Variants in VPS35L observed in about 807,000 individuals in gnomAD.
VPS35L encodes VPS35 endosomal protein sorting factor like, also known as VPS35 endosomal protein-sorting factor-like.
A neutral mutation model predicts 133.0 loss-of-function variants in VPS35L; 83 were observed. The ratio of observed to expected loss-of-function variants is 0.62; its 90% CI spans 0.52 to 0.75. The LOEUF (loss-of-function observed/expected upper bound fraction) is 0.75. Ranked by LOEUF, VPS35L falls within the 30% of genes least tolerant of loss-of-function variation. The probability of loss-of-function intolerance (pLI) is 0.00; values close to 1 mark genes in which losing one functional copy is unlikely to be tolerated. For synonymous variants in VPS35L, 423 were observed against 449.9 expected (o/e 0.94, Z 0.76); for missense variants, 1,083 against 1,206.8 (o/e 0.90, Z 1.52).
At chr16:19,608,353 T>G in intron 10 of VPS35L, 79 bp downstream of exon 10, 1 of 1,067,882 alleles carries the variant, frequency 9.4e-7, no homozygotes, top group Non-Finnish European at 1.4e-6. Context: ...AGCCATGTGA[T>G]GGGATGCCCT....
intron 26 of VPS35L, among the ~76,000 whole-genome samples, chr16:19,668,591 A>AGTGTGTGTGTGTGTGTGTGT (rs35546511): frequency 1.2e-4 from 17 of 147,492 alleles, no homozygotes; most frequent in African/African-American, 4.0e-4. Flanking sequence ...CTTTAAGCTG[A>AGTGTGTGTGTGTGTGTGTGT]GTGTGTGTGT....
At chr16:19,652,215 C>CTCTAAA in intron 26 of VPS35L, 125 bp downstream of exon 26, 2 of 729,814 alleles carry the variant, frequency 2.7e-6, no homozygotes, top group Non-Finnish European at 4.7e-6. Context: ...CTCACTCTGT[C>CTCTAAA]ACCCAGGCTG....
intron 4 of VPS35L, 76 bp downstream of exon 4, chr16:19,573,317 C>A: frequency 6.9e-7 from 1 of 1,458,788 alleles, no homozygotes; most frequent in Non-Finnish European, 9.3e-7. Context: ...TGCTTCAACT[C>A]CTGGGCTCTG....
chr16:19,584,253 A>G (rs1051099984), intron 7 of VPS35L, among the ~76,000 whole-genome samples: 5 of 152,072 alleles, frequency 3.3e-5, no homozygotes, highest in African/African-American at 1.2e-4. Context: ...TGGTAGTTCT[A>G]TTTTTAGTTT....
rs765372304 is a variant in VPS35L at position 19,699,591 on chromosome 16, C to A, written c.2736C>A (p.Leu912=). The change falls in exon 30 of 31, where the codon CTC becomes CTA. Residue 912 remains leucine, a synonymous_variant. Transcript: ENST00000417362. This position sits in a 1 kb window ranked among gnomAD's most constrained non-coding sequence, Gnocchi z 4.2. ...GDLRNNKLNQ[L]SVNLWHLAQR... ...TACGCAACAACAAGCTCAACCAGCT[C>A]TCCGTCAACCTGTGGCACCTGGCAC... is the stretch of plus-strand genomic sequence containing the variant. 2 of 1,614,150 alleles carry A rather than the reference C, an allele frequency of 1.2e-6. No individual in the cohort carries two copies. The highest frequency in any genetic ancestry group is 2.2e-5 in the East Asian group (1 of 44,864).
At chr16:19,585,413 T>C (rs977172986) in intron 7 of VPS35L, among the ~76,000 whole-genome samples, 27 of 137,102 alleles carry the variant, frequency 2.0e-4, no homozygotes, top group Middle Eastern at 3.5e-3. Context: ...TTTCTTTTTT[T>C]TTTTTTTTTT....
intron 29 of VPS35L, among the ~76,000 whole-genome samples, chr16:19,697,278 GGAGGTGCCGAA>G (rs1975948937): frequency 1.3e-5 from 2 of 152,292 alleles, no homozygotes; most frequent in South Asian, 4.1e-4. Flanking sequence ...AGTGGGGAGG[GGAGGTGCCGAA>G]GAGTCTTAAT....
At position 19,578,589 on chromosome 16, in the gene VPS35L, C is replaced by T. The variant is rs73531996; in HGVS notation, c.434-463C>T. 3.1e-3 allele frequency: 1,045 copies of T among 336,624 alleles called. 9 individuals are homozygous for T. The highest frequency in any genetic ancestry group is 0.02 in the African/African-American group (936 of 46,374). 20.9% of individuals were successfully genotyped at this position (336,624 alleles called of 1,614,324 possible). A position where few individuals can be genotyped will look rare whatever the true frequency, so the allele number is the denominator to read the frequency against. On this transcript the variant is annotated intron_variant, in intron 5 of 30. Coordinates refer to ENST00000417362, the MANE Select transcript of VPS35L (RefSeq NM_020314.7). ...GGAGGCACAGCTAGTCCTGTTTGCT[C>T]GAAGAGAGGGCTTTGAAGCCCTAGT...
chr16:19,601,146 C>T (rs1170196431), intron 8 of VPS35L, among the ~76,000 whole-genome samples: 2 of 152,202 alleles, frequency 1.3e-5, no homozygotes, highest in African/African-American at 2.4e-5. Context: ...CCAGGCTGCT[C>T]TTGAACTCCT....
In VPS35L at chr16:19,660,349, G is replaced by T. The variant is rs565138250; in HGVS notation, c.2221+8259G>T. Among the ~76,000 whole-genome samples the T allele has an allele frequency of 2.0e-5, 3 of 151,820 alleles. No homozygotes were observed. In the East Asian group the frequency reaches 5.8e-4, roughly 29 times the overall value. ...TCTCAAAAAAAAAAAAAATAAAGAA[G>T]AAATAATGGTTTTTCTATTCTTCGA... On this transcript the variant is annotated intron_variant, in intron 26 of 30. Transcript: ENST00000417362.
chr16:19,680,010 A>G (rs1975212614), intron 27 of VPS35L, among the ~76,000 whole-genome samples: 1 of 152,152 alleles, frequency 6.6e-6, no homozygotes, highest in Middle Eastern at 3.2e-3. Context: ...AAGTTCTATA[A>G]AGTCAGAGAC....
In VPS35L at chr16:19,626,200, A is replaced by G; in HGVS notation, c.1248A>G (p.Glu416=). Residue 416 remains glutamate, a synonymous_variant, in exon 15 of 31, where the codon GAA becomes GAG. Coordinates refer to ENST00000417362, the MANE Select transcript of VPS35L (RefSeq NM_020314.7). Reference sequence around the variant, plus strand: ...AGGCTCTGCTGACCGAGATGATGGAAAGGTGTAAGAAACTAGGAAACAAGT... The same window carrying G: ...AGGCTCTGCTGACCGAGATGATGGAGAGGTGTAAGAAACTAGGAAACAAGT... ...APEALLTEMM[E]RCKKLGNNAL... 6.3e-7 allele frequency: 1 copy of G among 1,599,976 alleles called. No individual in the cohort carries two copies. Among genetic ancestry groups the G allele is most frequent in the South Asian group, 1.1e-5 (1 of 89,842 alleles).
rs1354746171 is a variant in VPS35L, at chr16:19,617,209, T to A, written c.1224+401T>A. On this transcript the variant is annotated intron_variant, in intron 14 of 30. Transcript: ENST00000417362. ...CATCTCTACAAAAAAATAGAAAAAA[T>A]TAGCCAGACACGGTGATATATGCCT... 6.2e-6 allele frequency: 3 copies of A among 480,808 alleles called. No individual in the cohort carries two copies. In the East Asian group the frequency reaches 1.1e-4, roughly 18 times the overall value. The allele number at this position is 480,808 out of a possible 1,614,324, so 29.8% of individuals were successfully genotyped here.
In VPS35L at chr16:19,644,869, AC is replaced by A; in HGVS notation, c.1866-16del. On this transcript the variant is annotated splice_polypyrimidine_tract_variant and intron_variant, in intron 22 of 30. Coordinates refer to ENST00000417362, the MANE Select transcript of VPS35L (RefSeq NM_020314.7). Reference sequence around the variant, plus strand: ...TCTATTACCTCCGTGTTAATTATGTACAATTATTGATTTTAGTGCACTCACT... The same window carrying A: ...TCTATTACCTCCGTGTTAATTATGTAAATTATTGATTTTAGTGCACTCACT... 1 of 1,557,384 alleles carries A rather than the reference AC, an allele frequency of 6.4e-7. No individual in the cohort carries two copies.
intron 27 of VPS35L, among the ~76,000 whole-genome samples, chr16:19,678,547 G>A (rs1025570479): frequency 1.1e-4 from 17 of 150,606 alleles, no homozygotes; most frequent in Non-Finnish European, 7.4e-5. Flanking sequence ...GCACGATCTC[G>A]GCTCACTGCA....
At chr16:19,682,908 C>CTTGA (rs34929537) in intron 28 of VPS35L, among the ~76,000 whole-genome samples, 7,260 of 151,574 alleles carry the variant, frequency 0.048, 182 homozygotes, top group Middle Eastern at 0.055. Context: ...CCATCCTGCC[C>CTTGA]TTGATTGATT....
In VPS35L at chr16:19,647,879, T is replaced by C; in HGVS notation, c.2025T>C (p.Ile675=). Residue 675 remains isoleucine (I), a synonymous_variant, in exon 24 of 31, where the codon ATT becomes ATC. Transcript: ENST00000417362. Reference sequence around the variant, plus strand: ...TGGAGCCTGTTCTTGTGCAGTTGATTCATGTAAGTATTTTCATTCATTAGT... The same window carrying C: ...TGGAGCCTGTTCTTGTGCAGTTGATCCATGTAAGTATTTTCATTCATTAGT... The part of the protein sequence containing the change: ...CNLEPVLVQL[I]HSVNRLAMET... 3 of 1,608,552 alleles carry C rather than the reference T, an allele frequency of 1.9e-6. No homozygotes were observed. The highest frequency in any genetic ancestry group is 2.6e-6 in the Non-Finnish European group (3 of 1,174,982).
At chr16:19,562,731 C>A (rs1009355284) in intron 1 of VPS35L, among the ~76,000 whole-genome samples, 3 of 151,970 alleles carry the variant, frequency 2.0e-5, no homozygotes, top group Admixed American at 6.6e-5. Flanking sequence ...GCCTTCCCCC[C>A]ACTCCTGTGT....
chr16:19,699,923 C>A lies in VPS35L; in HGVS notation c.2793+275C>A, dbSNP rs1976054997. 6.6e-6 allele frequency among the ~76,000 whole-genome samples: 1 copy of A among 152,064 alleles called. No individual in the cohort carries two copies. Among genetic ancestry groups the A allele is most frequent in the South Asian group, 2.1e-4 (1 of 4,814 alleles). On this transcript the variant is annotated intron_variant, in intron 30 of 30. Coordinates refer to ENST00000417362, the MANE Select transcript of VPS35L (RefSeq NM_020314.7). This position sits in a 1 kb window ranked among gnomAD's most constrained non-coding sequence, Gnocchi z 4.2. ...CACCAGCCTGGGCAACATAGTGAGA[C>A]CAGGTCTCTACAAAAAATAAAAAAT...
Sources: allele counts gnomAD v4.1 joint callset (sites outside exome capture counted in the v4.1 genomes callset), GRCh38; gene constraint gnomAD v4.1.1; non-coding constraint Gnocchi (gnomAD v3.1); transcripts MANE v1.5; gene names NCBI Gene and HGNC (gene_info 2026-07-23, HGNC 2026-07-21).